The following DOK6 variants were observed in gnomAD, a reference collection of about 807,000 sequenced individuals.
DOK6 encodes the protein downstream of tyrosine kinase 6.
In DOK6, 22 loss-of-function variants were observed where a neutral mutation model predicts 44.0. The observed-to-expected ratio is 0.50, with a 90% CI of 0.36 to 0.71. DOK6 has a LOEUF of 0.71. Ranked by LOEUF, DOK6 falls within the 30% of genes least tolerant of loss-of-function variation. The probability of loss-of-function intolerance (pLI) is 0.00; values close to 1 mark genes in which losing one functional copy is unlikely to be tolerated. For missense variants in DOK6, 340 were observed against 416.4 expected, an observed-to-expected ratio of 0.82 and a Z score of 1.60; for synonymous variants, 166 against 145.5, an observed-to-expected ratio of 1.14 and a Z score of -1.01.
chr18:69,643,887 CACA>C (rs1181051521), intron 3 of DOK6: 1 of 152,176 alleles, frequency 6.6e-6, no homozygotes, highest in Admixed American at 6.5e-5. Context: ...GTCCAGTTTT[CACA>C]ACCTTGCCAG....
chr18:69,557,476 A>G (rs757696631), intron 1 of DOK6, among the ~76,000 whole-genome samples: 2 of 152,208 alleles, frequency 1.3e-5, no homozygotes, highest in African/African-American at 2.4e-5. Context: ...CACCTTGAAA[A>G]GGAGAAAGAA....
intron 4 of DOK6, among the ~76,000 whole-genome samples, chr18:69,682,675 G>A (rs1303226034): frequency 6.6e-6 from 1 of 152,096 alleles, no homozygotes; most frequent in Non-Finnish European, 1.5e-5. Context: ...CCCCATCTAT[G>A]AGGCCACAAT....
chr18:69,496,434 A>G (rs1599159112), intron 1 of DOK6, among the ~76,000 whole-genome samples: 1 of 152,368 alleles, frequency 6.6e-6, no homozygotes, highest in Non-Finnish European at 1.5e-5. Flanking sequence ...TCCCGGCTGC[A>G]GCTGATGTGA....
At chr18:69,775,987 G>T (rs1003442307) in intron 7 of DOK6, among the ~76,000 whole-genome samples, 9 of 151,796 alleles carry the variant, frequency 5.9e-5, no homozygotes, top group Admixed American at 1.3e-4. Flanking sequence ...ACACAAAAAT[G>T]GACACAATTA....
chr18:69,420,613 G>C (rs1425421636), intron 1 of DOK6, among the ~76,000 whole-genome samples: 2 of 151,964 alleles, frequency 1.3e-5, no homozygotes, highest in African/African-American at 2.4e-5. Flanking sequence ...TTTACATTAG[G>C]TATATCTCCT....
At chr18:69,654,166 A>C (rs1939332635) in intron 3 of DOK6, among the ~76,000 whole-genome samples, 1 of 152,250 alleles carries the variant, frequency 6.6e-6, no homozygotes, top group Non-Finnish European at 1.5e-5. Flanking sequence ...GACTAAACAC[A>C]GAAGAAAAGA....
chr18:69,485,582 AT>A (rs560379575), intron 1 of DOK6, among the ~76,000 whole-genome samples: 65 of 152,186 alleles, frequency 4.3e-4, no homozygotes, highest in African/African-American at 1.3e-3. Context: ...TTTTTGTGCC[AT>A]TTTGTTCTAA....
chr18:69,735,197 A>G (rs897287940), intron 5 of DOK6, among the ~76,000 whole-genome samples: 25 of 152,250 alleles, frequency 1.6e-4, no homozygotes, highest in African/African-American at 5.5e-4. Context: ...GAGGCTGGAT[A>G]AAGAGGATAT....
At position 69,696,559 on chromosome 18, in the gene DOK6, T is replaced by A. The variant is rs1437487919; in HGVS notation, c.410-1845T>A. Among the ~76,000 whole-genome samples, 3 of 152,206 alleles carry A rather than the reference T, an allele frequency of 2.0e-5. No homozygotes were observed. In the East Asian group the frequency reaches 5.8e-4, roughly 29 times the overall value. On this transcript the variant is annotated intron_variant, in intron 4 of 7. Transcript: ENST00000382713. ...AGAAATGTTTTACTTTCCGTTTCTA[T>A]AACAATATTTTCTCTATGCACAACA... is the stretch of plus-strand genomic sequence containing the variant.
rs945124618 is a variant in DOK6 at position 69,673,893 on chromosome 18, T to G, written c.290-3841T>G. On this transcript the variant is annotated intron_variant, in intron 3 of 7. Transcript: ENST00000382713. ...CTTTAATGTCTTTATTCTCCCATAA[T>G]GAAATTTAATTATTTACACATTATG... Among the ~76,000 whole-genome samples, 2 of 152,228 alleles carry G rather than the reference T, an allele frequency of 1.3e-5. 1 individual carries two copies. The highest frequency in any genetic ancestry group is 2.9e-5 in the Non-Finnish European group (2 of 68,038).
chr18:69,634,798 G>A (rs1984765328), intron 3 of DOK6, among the ~76,000 whole-genome samples: 1 of 152,106 alleles, frequency 6.6e-6, no homozygotes, highest in African/African-American at 2.4e-5. Flanking sequence ...ACAAAAACAA[G>A]ACAGGGTAAG....
chr18:69,715,191 C>G (rs1402163177), intron 5 of DOK6, among the ~76,000 whole-genome samples: 3 of 152,120 alleles, frequency 2.0e-5, no homozygotes, highest in Non-Finnish European at 4.4e-5. Flanking sequence ...GTTTCCTAAT[C>G]TAAAAACTGG....
At chr18:69,461,913 C>T (rs958790435) in intron 1 of DOK6, among the ~76,000 whole-genome samples, 6 of 152,182 alleles carry the variant, frequency 3.9e-5, no homozygotes, top group Admixed American at 1.3e-4. Flanking sequence ...AAACTTCCCA[C>T]GCAGCTCAAA....
At chr18:69,784,815 A>G (rs1980382401) in intron 7 of DOK6, among the ~76,000 whole-genome samples, 1 of 152,132 alleles carries the variant, frequency 6.6e-6, no homozygotes, top group Non-Finnish European at 1.5e-5. Context: ...CAGATTTTCC[A>G]TTTTCTTGGT....
At chr18:69,500,151 A>G (rs976921723) in intron 1 of DOK6, among the ~76,000 whole-genome samples, 2 of 152,238 alleles carry the variant, frequency 1.3e-5, no homozygotes, top group African/African-American at 4.8e-5. Context: ...TGGCCCTCCA[A>G]TGGTTTCCCA....
intron 1 of DOK6, among the ~76,000 whole-genome samples, chr18:69,562,369 T>C (rs747884316): frequency 3.3e-5 from 5 of 152,172 alleles, no homozygotes; most frequent in Non-Finnish European, 7.4e-5. Context: ...TTCTGAGGGC[T>C]CTGTTCTGTT....
intron 1 of DOK6, among the ~76,000 whole-genome samples, chr18:69,449,400 A>G (rs1433893524): frequency 6.6e-6 from 1 of 152,232 alleles, no homozygotes; most frequent in Non-Finnish European, 1.5e-5. Context: ...ATAAGACCAA[A>G]GAAAGAAAAT....
chr18:69,709,900 G>A lies in DOK6; in HGVS notation c.599+11307G>A, dbSNP rs537299218. Among the ~76,000 whole-genome samples, 68 of 152,216 alleles carry A rather than the reference G, an allele frequency of 4.5e-4. No individual in the cohort carries two copies. In the South Asian group the frequency reaches 0.013, roughly 30 times the overall value. On this transcript the variant is annotated intron_variant, in intron 5 of 7. Coordinates refer to ENST00000382713, the MANE Select transcript of DOK6 (RefSeq NM_152721.6). Reference sequence around the variant, plus strand: ...TAAAAAATTATAAACTTACTGGCTAGGCACCACTGCTCAAGCCTACATTCC... The same window carrying A: ...TAAAAAATTATAAACTTACTGGCTAAGCACCACTGCTCAAGCCTACATTCC...
intron 7 of DOK6, among the ~76,000 whole-genome samples, chr18:69,795,988 T>G (rs1383371764): frequency 3.3e-5 from 5 of 152,192 alleles, no homozygotes; most frequent in Admixed American, 6.6e-5. Context: ...AGGCACTTTC[T>G]AGAAGAATGA....
Sources: allele counts gnomAD v4.1 joint callset (sites outside exome capture counted in the v4.1 genomes callset), GRCh38; gene constraint gnomAD v4.1.1; transcripts MANE v1.5; gene names NCBI Gene and HGNC (gene_info 2026-07-23, HGNC 2026-07-21).